SEMA6A: variants seen among roughly 807,000 people sequenced by gnomAD.
SEMA6A encodes semaphorin-6A.
A neutral mutation model predicts 96.8 loss-of-function variants in SEMA6A; 25 were observed. The observed-to-expected ratio is 0.26, with a 90% CI of 0.19 to 0.36. The LOEUF (loss-of-function observed/expected upper bound fraction) is 0.36, where lower values mean the gene tolerates loss of function less well. Ranked by LOEUF, SEMA6A falls within the 10% of genes least tolerant of loss-of-function variation. The pLI, the probability that SEMA6A is intolerant of heterozygous loss-of-function variation, is 1.00. For missense variants in SEMA6A, 1,363 were observed against 1,323.1 expected, an observed-to-expected ratio of 1.03 and a Z score of -0.47; for synonymous variants, 612 against 518.0, an observed-to-expected ratio of 1.18 and a Z score of -2.46.
chr5:116,519,691 ACG>A lies in SEMA6A; in HGVS notation c.-38-14711_-38-14710del, dbSNP rs1491260433. On this transcript the variant is annotated intron_variant, in intron 1 of 18. Transcript: ENST00000343348. The stretch of plus-strand genomic sequence containing the variant: ...CACACACACACACACACACACACAC[ACG>A]CACACACATACATTATACATATAAT... 9.9e-3 allele frequency among the ~76,000 whole-genome samples: 1,398 copies of A among 140,604 alleles called. 28 individuals are homozygous for A. Among genetic ancestry groups the A allele is most frequent in the African/African-American group, 0.042 (1,299 of 30,730 alleles). 92.2% of individuals were successfully genotyped at this position (140,604 alleles called of 152,430 possible).
chr5:116,462,617 G>A (rs977193047), intron 18 of SEMA6A, among the ~76,000 whole-genome samples: 4 of 152,132 alleles, frequency 2.6e-5, no homozygotes, highest in African/African-American at 9.7e-5. Flanking sequence ...TCAGTAGGTA[G>A]CAAAGAAATC....
At chr5:116,554,365 G>A (rs1009974729) in intron 1 of SEMA6A, among the ~76,000 whole-genome samples, 1 of 152,138 alleles carries the variant, frequency 6.6e-6, no homozygotes, top group Non-Finnish European at 1.5e-5. Flanking sequence ...GTAGGAGCAA[G>A]CCCTATCTAA....
At chr5:116,514,924 A>G (rs1292357766) in intron 1 of SEMA6A, among the ~76,000 whole-genome samples, 3 of 152,224 alleles carry the variant, frequency 2.0e-5, no homozygotes, top group African/African-American at 7.2e-5. Flanking sequence ...AAAATAGAAC[A>G]CATACACAAA....
rs1348446957 is a variant in SEMA6A at position 116,446,771 on chromosome 5, G to A, written c.2935C>T (p.Gln979Ter). ...GGCTGCCTCGAGACAGTCACGGCCT[G>A]GCCAGATGGCTGGGAGCTGTGCACC... ...IQVHSSQPSG[Q>*]AVTVSRQPSL... Residue 979 changes from glutamine (Q) to a stop codon, truncating the protein, a stop_gained, in exon 19 of 19, where the codon CAG becomes TAG. Transcript: ENST00000343348. LOFTEE classifies it high-confidence loss of function. 1 of 1,611,244 alleles carries A rather than the reference G, an allele frequency of 6.2e-7. No individual in the cohort carries two copies. The highest frequency in any genetic ancestry group is 8.5e-7 in the Non-Finnish European group (1 of 1,178,742).
intron 1 of SEMA6A, among the ~76,000 whole-genome samples, chr5:116,548,996 A>T (rs1302313712): frequency 6.6e-6 from 1 of 152,186 alleles, no homozygotes; most frequent in Non-Finnish European, 1.5e-5. Flanking sequence ...GTGCTAGCTG[A>T]TGGAAAGACC....
At chr5:116,536,835 AAGCTTTTTATTC>A (rs147223504) in intron 1 of SEMA6A, among the ~76,000 whole-genome samples, 1,475 of 147,490 alleles carry the variant, frequency 0.01, 23 homozygotes, top group African/African-American at 0.036. Flanking sequence ...AATGGTCGAA[AAGCTTTTTATTC>A]AGTCCCCGTG....
chr5:116,502,967 TG>T (rs370640409), intron 2 of SEMA6A, among the ~76,000 whole-genome samples: 2 of 152,244 alleles, frequency 1.3e-5, no homozygotes, highest in African/African-American at 4.8e-5. Flanking sequence ...AGGGTCAAAC[TG>T]AGTGTAGCCA....
rs768523184 is a variant in SEMA6A at position 116,446,810 on chromosome 5, C to T, written c.2896G>A (p.Val966Met). The change falls in exon 19 of 19, where the codon GTG becomes ATG. Residue 966 changes from valine (V) to methionine (M), a missense_variant. This residue lies in a region of SEMA6A where 883 missense variants were observed against 763.6 expected (regional missense o/e 1.16). Coordinates refer to ENST00000343348, the MANE Select transcript of SEMA6A (RefSeq NM_020796.5). ...GDNPPPAPQR[V>M]DSIQVHSSQP... is the part of the protein sequence containing the mutation. ...GAGCTGTGCACCTGGATGGAGTCCA[C>T]CCTCTGCGGGGCGGGCGGCGGGTTG... is the stretch of plus-strand genomic sequence containing the variant. 2 of 1,613,418 alleles carry T rather than the reference C, an allele frequency of 1.2e-6. No homozygotes were observed. The highest frequency in any genetic ancestry group is 1.7e-6 in the Non-Finnish European group (2 of 1,179,678).
intron 1 of SEMA6A, chr5:116,562,635 A>C (rs1472415685): frequency 1.4e-6 from 1 of 692,436 alleles, no homozygotes; most frequent in African/African-American, 1.8e-5. Context: ...GACGGAGAAA[A>C]CATATTTGGT....
rs1282369453 is a variant in SEMA6A at position 116,528,610 on chromosome 5, T to C, written c.-38-23628A>G. ...CCTTTCTGCAGCCCTGCATCCTATC[T>C]TCCTGTCTGAAAAGCAGGCAGAAGC... On this transcript the variant is annotated intron_variant, in intron 1 of 18. Coordinates refer to ENST00000343348, the MANE Select transcript of SEMA6A (RefSeq NM_020796.5). 2.0e-5 allele frequency among the ~76,000 whole-genome samples: 3 copies of C among 152,328 alleles called. No individual in the cohort carries two copies. In the East Asian group the frequency reaches 5.8e-4, roughly 29 times the overall value.
chr5:116,490,425 C>A, intron 7 of SEMA6A, among the ~76,000 whole-genome samples: 1 of 152,100 alleles, frequency 6.6e-6, no homozygotes, highest in Non-Finnish European at 1.5e-5. Flanking sequence ...TAAATTCTCC[C>A]CTGCAGCCCA....
chr5:116,504,893 C>A lies in SEMA6A; in HGVS notation c.52G>T (p.Ala18Ser). ...LYFTLLHFAGAGFPEDSEPIS... is the reference protein window; with the variant it reads ...LYFTLLHFAGSGFPEDSEPIS... Reference sequence around the variant, plus strand: ...GGCTCAGAATCTTCTGGGAAACCAGCCCCAGCAAAGTGTAGCAGTGTGAAA... The same window carrying A: ...GGCTCAGAATCTTCTGGGAAACCAGACCCAGCAAAGTGTAGCAGTGTGAAA... The change falls in exon 2 of 19, where the codon GCT (alanine) becomes TCT (serine). Residue 18 changes from alanine to serine, a missense_variant. Physicochemically the swap from Ala to Ser is moderately conservative, Grantham distance 99. Coordinates refer to ENST00000343348, the MANE Select transcript of SEMA6A (RefSeq NM_020796.5). The A allele has an allele frequency of 6.2e-7, 1 of 1,604,654 alleles. No homozygotes were observed. Among genetic ancestry groups the A allele is most frequent in the Non-Finnish European group, 8.5e-7 (1 of 1,175,550 alleles).
chr5:116,503,411 C>T (rs1404441171), intron 2 of SEMA6A, among the ~76,000 whole-genome samples: 3 of 152,138 alleles, frequency 2.0e-5, no homozygotes, highest in African/African-American at 7.2e-5. Context: ...TTCATGTACC[C>T]ATTCATCAAG....
chr5:116,494,442 G>T (rs1418586843), intron 6 of SEMA6A, among the ~76,000 whole-genome samples: 1 of 152,200 alleles, frequency 6.6e-6, no homozygotes, highest in Non-Finnish European at 1.5e-5. Flanking sequence ...CCCTTGTAGA[G>T]CCTGTGTTTC....
At chr5:116,509,063 G>T (rs1366349334) in intron 1 of SEMA6A, among the ~76,000 whole-genome samples, 1 of 152,190 alleles carries the variant, frequency 6.6e-6, no homozygotes, top group Non-Finnish European at 1.5e-5. Flanking sequence ...CTACATGTCC[G>T]GTTGCAGCAA....
chr5:116,472,792 C>T, intron 17 of SEMA6A: 2 of 933,322 alleles, frequency 2.1e-6, no homozygotes, highest in Non-Finnish European at 3.0e-6. Flanking sequence ...AACAAAGAAT[C>T]TGGTCCATGA....
intron 6 of SEMA6A, among the ~76,000 whole-genome samples, chr5:116,493,060 G>A (rs1188695784): frequency 2.0e-5 from 3 of 152,200 alleles, no homozygotes; most frequent in African/African-American, 7.2e-5. Context: ...CATCCCATCT[G>A]TGGCTTCTGA....
chr5:116,446,331 G>A lies in SEMA6A; in HGVS notation c.*282C>T. 3.0e-6 allele frequency: 1 copy of A among 327,964 alleles called. No homozygotes were observed. Among genetic ancestry groups the A allele is most frequent in the Non-Finnish European group, 5.6e-6 (1 of 179,462 alleles). 20.3% of individuals were successfully genotyped at this position (327,964 alleles called of 1,614,324 possible). On this transcript the variant is annotated 3_prime_UTR_variant, in exon 19 of 19. Transcript: ENST00000343348. ...GTATGTGCTTTTGGCTCATGTTTGT[G>A]ATGATAACTGAAGTCTTTTGTGGGT... is the stretch of plus-strand genomic sequence containing the variant.
At position 116,459,595 on chromosome 5, in the gene SEMA6A, G is replaced by T. The variant is rs149250038; in HGVS notation, c.1894+7988C>A. Among the ~76,000 whole-genome samples the T allele has an allele frequency of 3.8e-3, 578 of 152,186 alleles. 6 individuals carry two copies. The highest frequency in any genetic ancestry group is 0.014 in the African/African-American group (561 of 41,542). On this transcript the variant is annotated intron_variant, in intron 18 of 18. Coordinates refer to ENST00000343348, the MANE Select transcript of SEMA6A (RefSeq NM_020796.5). ...CTGTAATTTCACAGTGTGGTATCTT[G>T]GTCATGGACTTTATTCAGCTTGGAA...
Sources: gnomAD v4.1 joint callset for allele counts (sites outside exome capture counted in the v4.1 genomes callset) on GRCh38, gnomAD v4.1.1 for gene constraint, gnomAD v4.1.1 regional missense constraint, MANE v1.5 for transcripts, NCBI Gene and HGNC (gene_info 2026-07-23, HGNC 2026-07-21) for gene names.